The following TMCC3 variants were observed in gnomAD, a reference collection of about 807,000 sequenced individuals.
The protein encoded by TMCC3 is transmembrane and coiled-coil domain protein 3.
TMCC3 carries 28 observed loss-of-function variants against 40.2 expected under a neutral mutation model. That is an observed-to-expected ratio of 0.70 (90% CI 0.52 to 0.95). TMCC3 has a LOEUF of 0.95. Among genes scored for constraint, TMCC3 ranks in the 40% least tolerant of loss-of-function variants. The probability of loss-of-function intolerance (pLI) is 0.00; values close to 1 mark genes in which losing one functional copy is unlikely to be tolerated. For synonymous variants in TMCC3, 255 were observed against 248.5 expected (o/e 1.03, Z -0.25); for missense variants, 554 against 615.2 (o/e 0.90, Z 1.05).
intron 1 of TMCC3, among the ~76,000 whole-genome samples, chr12:94,582,849 C>T (rs1311503347): frequency 3.9e-5 from 6 of 152,080 alleles, no homozygotes; most frequent in Non-Finnish European, 5.9e-5. Flanking sequence ...CAGTCAGTCC[C>T]GGTCTCCCAA....
chr12:94,635,930 A>G (rs1413548307), intron 1 of TMCC3, among the ~76,000 whole-genome samples: 1 of 152,038 alleles, frequency 6.6e-6, no homozygotes, highest in African/African-American at 2.4e-5. Flanking sequence ...CGGCCTCCCA[A>G]AGTGCTGGGA....
At chr12:94,646,618 T>C (rs1022640868) in intron 1 of TMCC3, among the ~76,000 whole-genome samples, 3 of 151,898 alleles carry the variant, frequency 2.0e-5, no homozygotes, top group Non-Finnish European at 1.5e-5. Flanking sequence ...TTTGTATTTT[T>C]AGTAGAGACA....
chr12:94,645,454 C>T (rs534347956), intron 1 of TMCC3, among the ~76,000 whole-genome samples: 5 of 152,200 alleles, frequency 3.3e-5, no homozygotes, highest in East Asian at 1.9e-4. Flanking sequence ...AGTTTTGTTT[C>T]GGAGATGGAG....
intron 1 of TMCC3, among the ~76,000 whole-genome samples, chr12:94,624,730 ATT>A (rs918336790): frequency 8.0e-6 from 1 of 124,814 alleles, no homozygotes; most frequent in African/African-American, 3.0e-5. Context: ...AAAAAAATAT[ATT>A]GTTCAGCCAT....
chr12:94,633,759 T>C (rs886592347), intron 1 of TMCC3, among the ~76,000 whole-genome samples: 6 of 152,158 alleles, frequency 3.9e-5, no homozygotes, highest in African/African-American at 1.4e-4. Flanking sequence ...TTTTAGGCTG[T>C]TGTGTAAATA....
At chr12:94,642,924 G>A (rs2068998750) in intron 1 of TMCC3, among the ~76,000 whole-genome samples, 1 of 152,332 alleles carries the variant, frequency 6.6e-6, no homozygotes, top group Middle Eastern at 3.4e-3. Context: ...CGGGCGCAGT[G>A]CCTCATGCCT....
At chr12:94,602,868 G>A (rs2068761162) in intron 1 of TMCC3, among the ~76,000 whole-genome samples, 1 of 152,106 alleles carries the variant, frequency 6.6e-6, no homozygotes, top group South Asian at 2.1e-4. Context: ...AGATCACTCG[G>A]GGGACCTGGG....
At chr12:94,618,733 G>A (rs932027522) in intron 1 of TMCC3, among the ~76,000 whole-genome samples, 2 of 152,156 alleles carry the variant, frequency 1.3e-5, no homozygotes, top group African/African-American at 4.8e-5. Context: ...TGAACTCTGG[G>A]TGGTTCCCAT....
chr12:94,632,990 T>C (rs1274520), intron 1 of TMCC3, among the ~76,000 whole-genome samples: 146,998 of 152,206 alleles, frequency 0.97, 71,075 homozygotes, highest in African/African-American at 0.99. Flanking sequence ...CCTGCAGTCC[T>C]CGTTACTTGG....
chr12:94,587,863 T>G (rs2068647303), intron 1 of TMCC3, among the ~76,000 whole-genome samples: 2 of 152,312 alleles, frequency 1.3e-5, no homozygotes, highest in East Asian at 3.9e-4. Context: ...AGAAAAGACT[T>G]TGCTTTTAAG....
intron 1 of TMCC3, among the ~76,000 whole-genome samples, chr12:94,622,441 T>C (rs2068880677): frequency 1.3e-5 from 2 of 152,218 alleles, no homozygotes; most frequent in South Asian, 4.1e-4. Flanking sequence ...ATCACTGTTT[T>C]GATTTTTGTA....
At chr12:94,581,386 C>G (rs1464731924) in intron 2 of TMCC3, among the ~76,000 whole-genome samples, 1 of 152,052 alleles carries the variant, frequency 6.6e-6, no homozygotes, top group African/African-American at 2.4e-5. Flanking sequence ...GTATTGATTG[C>G]TAAACGCCCT....
chr12:94,582,336 G>T lies in TMCC3; in HGVS notation c.281C>A (p.Ala94Glu). Residue 94 changes from alanine to glutamate, a missense_variant, in exon 2 of 4, where the codon GCG becomes GAG. By Grantham distance (107) the Ala-to-Glu change is moderately radical (BLOSUM62 -1). Transcript: ENST00000261226. ...IEQTSRDGNV[A>E]EYLKLVNNAD... Reference sequence around the variant, plus strand: ...GTTGTTCACTAGTTTCAGATACTCCGCAACATTCCCATCGCGCGATGTTTG... The same window carrying T: ...GTTGTTCACTAGTTTCAGATACTCCTCAACATTCCCATCGCGCGATGTTTG... 2 of 1,613,812 alleles carry T rather than the reference G, an allele frequency of 1.2e-6. No homozygotes were observed. Among genetic ancestry groups the T allele is most frequent in the Non-Finnish European group, 1.7e-6 (2 of 1,179,980 alleles).
intron 1 of TMCC3, among the ~76,000 whole-genome samples, chr12:94,589,803 A>G (rs759823714): frequency 2.6e-5 from 4 of 152,138 alleles, no homozygotes; most frequent in Non-Finnish European, 5.9e-5. Flanking sequence ...GAAAACCGAG[A>G]CTTGTAAAGG....
chr12:94,572,294 A>G (rs1175551948), intron 3 of TMCC3, among the ~76,000 whole-genome samples: 1 of 138,360 alleles, frequency 7.2e-6, no homozygotes, highest in Non-Finnish European at 1.5e-5. Context: ...CACCATGCCC[A>G]GCCGACTTCA....
rs1445899457 is a variant in TMCC3 at position 94,570,230 on chromosome 12, CCATT to C, written c.*1201_*1204del. 1 of 152,234 alleles carries C rather than the reference CCATT, an allele frequency of 6.6e-6. No individual in the cohort carries two copies. The highest frequency in any genetic ancestry group is 1.5e-5 in the Non-Finnish European group (1 of 68,046). 9.4% of individuals were successfully genotyped at this position (152,234 alleles called of 1,614,324 possible). A position where few individuals can be genotyped will look rare whatever the true frequency, so the allele number is the denominator to read the frequency against. ...TGAACTGCTCCCACTAATCTAGCCA[CCATT>C]CAGTCACACCCTACGTCCTCGTTTC... On this transcript the variant is annotated 3_prime_UTR_variant, in exon 4 of 4. Transcript: ENST00000261226.
chr12:94,645,512 A>G (rs1169056117), intron 1 of TMCC3, among the ~76,000 whole-genome samples: 2 of 152,172 alleles, frequency 1.3e-5, no homozygotes, highest in African/African-American at 4.8e-5. Flanking sequence ...ATCCTGGCTC[A>G]CTGCAACCTC....
intron 1 of TMCC3, among the ~76,000 whole-genome samples, chr12:94,630,267 AAAAAG>A (rs1204159415): frequency 3.3e-5 from 5 of 152,144 alleles, no homozygotes; most frequent in Non-Finnish European, 7.4e-5. Flanking sequence ...AAAAAAAAAA[AAAAAG>A]AAGATACAAA....
intron 1 of TMCC3, among the ~76,000 whole-genome samples, chr12:94,623,105 T>C (rs1594292420): frequency 6.6e-6 from 1 of 152,312 alleles, no homozygotes; most frequent in Non-Finnish European, 1.5e-5. Flanking sequence ...AGCTGCCAAA[T>C]TGCAATATTC....
Sources: allele counts gnomAD v4.1 joint callset (sites outside exome capture counted in the v4.1 genomes callset), GRCh38; gene constraint gnomAD v4.1.1; transcripts MANE v1.5; gene names NCBI Gene and HGNC (gene_info 2026-07-23, HGNC 2026-07-21).